The following ZNF676 variants were observed in gnomAD, a reference collection of about 807,000 sequenced individuals.
ZNF676 encodes the protein zinc finger protein 676.
In ZNF676, 4 loss-of-function variants were observed where a neutral mutation model predicts 6.0. The observed-to-expected ratio is 0.67, with a 90% CI of 0.33 to 1.53. The LOEUF (loss-of-function observed/expected upper bound fraction) is 1.53. ZNF676 is among the 40% of genes most tolerant of loss of function. The pLI is 0.06. For missense variants in ZNF676, 644 were observed against 679.7 expected (o/e 0.95, Z 0.58); for synonymous variants, 198 against 223.1 (o/e 0.89, Z 1.00).
chr19:22,255,152 C>T, the ZNF676 span, among the ~76,000 whole-genome samples: 1 of 152,178 alleles, frequency 6.6e-6, no homozygotes, highest in Non-Finnish European at 1.5e-5. Context: ...CAGAGGCTCA[C>T]AGGTGTGCTG....
At chr19:22,240,227 C>T in the ZNF676 span, among the ~76,000 whole-genome samples, 1 of 149,892 alleles carries the variant, frequency 6.7e-6, no homozygotes, top group African/African-American at 2.5e-5. Context: ...AGAAGAGCCA[C>T]AGCACCTGTG....
At chr19:22,220,750 C>G (rs1044300515), upstream of ZNF676, among the ~76,000 whole-genome samples, 1 of 152,164 alleles carries the variant, frequency 6.6e-6, no homozygotes, top group Non-Finnish European at 1.5e-5. Flanking sequence ...AGCCACTGAA[C>G]CCAGCTGGCA....
At chr19:22,205,935 T>A (rs1165578108) in intron 1 of ZNF676, among the ~76,000 whole-genome samples, 2 of 151,202 alleles carry the variant, frequency 1.3e-5, no homozygotes, top group Admixed American at 6.6e-5. Flanking sequence ...ATAAACACAA[T>A]TAGAAATGAC....
chr19:22,212,357 A>G (rs2144826338), intron 1 of ZNF676, among the ~76,000 whole-genome samples: 1 of 152,176 alleles, frequency 6.6e-6, no homozygotes, highest in African/African-American at 2.4e-5. Flanking sequence ...CCCTTTGTAA[A>G]TATTTTCTTA....
chr19:22,228,916 AT>A, the ZNF676 span, among the ~76,000 whole-genome samples: 2 of 152,228 alleles, frequency 1.3e-5, no homozygotes, highest in African/African-American at 2.4e-5. Context: ...TATCATGAAA[AT>A]GGCCATACTG....
Position 22,186,279 on chromosome 19 carries a change from T to C in ZNF676, c.131-4693A>G, listed in dbSNP as rs12609123. On this transcript the variant is annotated intron_variant, in intron 2 of 2. Coordinates refer to ENST00000397121, the MANE Select transcript of ZNF676 (RefSeq NM_001001411.3). The stretch of plus-strand genomic sequence containing the variant: ...CCCAGAATTTCATATCCAGCCAAAC[T>C]AAGCTTCATAAGCGAAGGTGAAATA... Among the ~76,000 whole-genome samples, 185 of 152,280 alleles carry C rather than the reference T, an allele frequency of 1.2e-3. 4 individuals are homozygous for C. The East Asian group carries it at 0.033, about 27-fold the overall frequency.
At chr19:22,215,040 CAAAA>C (rs1159376851) in intron 1 of ZNF676, among the ~76,000 whole-genome samples, 1 of 51,456 alleles carries the variant, frequency 1.9e-5, no homozygotes, top group Non-Finnish European at 3.6e-5. Flanking sequence ...GACTCCATCT[CAAAA>C]AAAAAAAAAA....
rs371456888 is a variant in ZNF676 at position 22,181,157 on chromosome 19, T to C, written c.560A>G (p.Tyr187Cys). ...AFNWSSTLTY[Y>C]KSIHTGEKPY... Reference sequence around the variant, plus strand: ...TTTCTCTCCAGTATGAATACTCTTATAATAAGTAAGGGTTGAGGACCAGTT... The same window carrying C: ...TTTCTCTCCAGTATGAATACTCTTACAATAAGTAAGGGTTGAGGACCAGTT... The change falls in exon 3 of 3, where the codon TAT becomes TGT. Residue 187 changes from tyrosine (Y) to cysteine (C), a missense_variant. Tyr to Cys is a radical substitution (Grantham distance 194). Transcript: ENST00000397121. 8.5e-5 allele frequency: 137 copies of C among 1,613,972 alleles called. No homozygotes were observed. The African/African-American group carries it at 1.7e-3, about 19-fold the overall frequency.
rs764314115 is a variant in ZNF676 at position 22,193,083 on chromosome 19, G to T, written c.63C>A (p.Ile21=). The change falls in exon 2 of 3, where the codon ATC becomes ATA. Residue 21 remains isoleucine (I), a synonymous_variant. Coordinates refer to ENST00000397121, the MANE Select transcript of ZNF676 (RefSeq NM_001001411.3). ...GCTCTTTTCCTTGCTCCAGAAAAAT[G>T]ATCAGGTCTGGCTTAAAGGCAGCAA... is the stretch of plus-strand genomic sequence containing the variant. ...LGIAAFKPDL[I]IFLEQGKEPW... is the part of the protein sequence containing the mutation. 4 of 1,608,908 alleles carry T rather than the reference G, an allele frequency of 2.5e-6. No individual in the cohort carries two copies. The highest frequency in any genetic ancestry group is 3.4e-6 in the Non-Finnish European group (4 of 1,178,246).
the ZNF676 span, among the ~76,000 whole-genome samples, chr19:22,224,853 G>A: frequency 0.04 from 6,138 of 152,078 alleles, 408 homozygotes; most frequent in African/African-American, 0.14. Context: ...AAAATAACAA[G>A]CCATGGTGGT....
intron 2 of ZNF676, among the ~76,000 whole-genome samples, chr19:22,182,536 A>G (rs1446792397): frequency 6.7e-6 from 1 of 149,006 alleles, no homozygotes; most frequent in Non-Finnish European, 1.5e-5. Context: ...TGAATTGTCA[A>G]CAAAAGATTT....
At chr19:22,227,930 C>A in the ZNF676 span, among the ~76,000 whole-genome samples, 1 of 152,148 alleles carries the variant, frequency 6.6e-6, no homozygotes, top group Non-Finnish European at 1.5e-5. Context: ...ACCACAGGTA[C>A]AAAGAGGAGC....
At chr19:22,215,869 C>T (rs1292764512), upstream of ZNF676, among the ~76,000 whole-genome samples, 2 of 152,126 alleles carry the variant, frequency 1.3e-5, no homozygotes, top group South Asian at 2.1e-4. Flanking sequence ...GTTTAAGGCC[C>T]CGCCCTTTCA....
chr19:22,201,751 AAAAAAAAG>A (rs1274960768), upstream of ZNF676, among the ~76,000 whole-genome samples: 1 of 149,814 alleles, frequency 6.7e-6, no homozygotes, highest in African/African-American at 2.5e-5. Context: ...AAAAAAAAAA[AAAAAAAAG>A]AGGTACAGTG....
chr19:22,235,008 G>T, the ZNF676 span, among the ~76,000 whole-genome samples: 4 of 109,040 alleles, frequency 3.7e-5, no homozygotes, highest in Non-Finnish European at 5.7e-5. Flanking sequence ...AAGAAAGAAA[G>T]AAAGAAAGAA....
chr19:22,197,357 A>C (rs1299881577), upstream of ZNF676, among the ~76,000 whole-genome samples: 2 of 151,840 alleles, frequency 1.3e-5, no homozygotes, highest in African/African-American at 2.4e-5. Flanking sequence ...TATTTTTCAG[A>C]TGGAAAAGAC....
At chr19:22,187,870 G>A (rs10425845) in intron 2 of ZNF676, among the ~76,000 whole-genome samples, 61,310 of 151,644 alleles carry the variant, frequency 0.4, 12,846 homozygotes, top group African/African-American at 0.51. Flanking sequence ...AAATTGAGGC[G>A]GTACTTATGG....
At chr19:22,198,671 A>G (rs1166825289), upstream of ZNF676, among the ~76,000 whole-genome samples, 13 of 152,210 alleles carry the variant, frequency 8.5e-5, no homozygotes, top group Admixed American at 2.6e-4. Context: ...CAGGCAGAAG[A>G]ACCAAGACAG....
the ZNF676 span, among the ~76,000 whole-genome samples, chr19:22,225,822 C>T: frequency 6.6e-6 from 1 of 151,656 alleles, no homozygotes; most frequent in South Asian, 2.1e-4. Flanking sequence ...TTAAGAGTTG[C>T]TTATATATTC....
Sources: gnomAD v4.1 joint callset for allele counts (sites outside exome capture counted in the v4.1 genomes callset) on GRCh38, gnomAD v4.1.1 for gene constraint, MANE v1.5 for transcripts, NCBI Gene and HGNC (gene_info 2026-07-23, HGNC 2026-07-21) for gene names.